Variants in PIK3C2A observed in about 807,000 individuals in gnomAD.
The protein encoded by PIK3C2A is phosphatidylinositol-4-phosphate 3-kinase catalytic subunit type 2 alpha.
PIK3C2A carries 97 observed loss-of-function variants against 204.5 expected under a neutral mutation model. The observed-to-expected ratio is 0.47, with a 90% CI of 0.40 to 0.56. The LOEUF (loss-of-function observed/expected upper bound fraction) is 0.56, where lower values mean the gene tolerates loss of function less well. Among genes scored for constraint, PIK3C2A ranks in the 20% least tolerant of loss-of-function variants. The pLI is 0.00. For synonymous variants in PIK3C2A, 653 were observed against 664.4 expected (o/e 0.98, Z 0.26); for missense variants, 1,735 against 1,969.2 (o/e 0.88, Z 2.25).
chr11:17,119,092 G>A, intron 17 of PIK3C2A, 128 bp downstream of exon 17: 1 of 627,252 alleles, frequency 1.6e-6, no homozygotes. Flanking sequence ...AAATCCAAAT[G>A]CAATGCCCCT....
chr11:17,169,414 C>T lies in PIK3C2A; in HGVS notation c.328G>A (p.Glu110Lys). ...GGTAATACAGGTGTTTTTTTAGTCT[C>T]GAAACTGTCATCCAGCAATAGTTTC... ...LEKLLLDDSF[E>K]TKKTPVLPVT... The change falls in exon 2 of 33, where the codon GAG becomes AAG. Residue 110 changes from glutamate (E) to lysine (K), a missense_variant. Glu to Lys is a moderately conservative substitution (Grantham distance 56). This residue lies in a region of PIK3C2A where 536 missense variants were observed against 546.7 expected (regional missense o/e 0.98). Coordinates refer to ENST00000691414, the MANE Select transcript of PIK3C2A (RefSeq NM_002645.4). 4 of 1,613,998 alleles carry T rather than the reference C, an allele frequency of 2.5e-6. No homozygotes were observed. Among genetic ancestry groups the T allele is most frequent in the East Asian group, 2.2e-5 (1 of 44,874 alleles).
chr11:17,108,716 A>C (rs181187718), intron 22 of PIK3C2A, among the ~76,000 whole-genome samples: 2 of 152,356 alleles, frequency 1.3e-5, no homozygotes, highest in Admixed American at 1.3e-4. Context: ...TACTGATTTT[A>C]TTTATGAATA....
chr11:17,168,594 AAAAC>A (rs879614908), intron 2 of PIK3C2A, 79 bp downstream of exon 2: 41 of 1,076,254 alleles, frequency 3.8e-5, no homozygotes, highest in Non-Finnish European at 5.3e-5. Context: ...AACAAAAACA[AAAAC>A]AAAAAAACAC....
chr11:17,105,273 G>A lies in PIK3C2A; in HGVS notation c.3577C>T (p.Leu1193Phe). Residue 1193 changes from leucine (L) to phenylalanine (F), a missense_variant, in exon 23 of 33, where the codon CTC (leucine) becomes TTC (phenylalanine). This residue lies in a region of PIK3C2A where 503 missense variants were observed against 669.0 expected (regional missense o/e 0.75). Coordinates refer to ENST00000691414, the MANE Select transcript of PIK3C2A (RefSeq NM_002645.4). ...CCATATTCCACTTGGATTTTCCTGA[G>A]GGTATCGGAAGCAGGAACCAGCTCC... ...MVELVPASDT[L>F]RKIQVEYGVT... 3 of 1,610,564 alleles carry A rather than the reference G, an allele frequency of 1.9e-6. No homozygotes were observed. Among genetic ancestry groups the A allele is most frequent in the Non-Finnish European group, 2.5e-6 (3 of 1,178,280 alleles).
chr11:17,146,982 C>T (rs1590961883), intron 6 of PIK3C2A, among the ~76,000 whole-genome samples: 1 of 152,144 alleles, frequency 6.6e-6, no homozygotes. Context: ...AGGGTTCACG[C>T]AGTAAAACAA....
chr11:17,159,479 T>C (rs1047251011), intron 2 of PIK3C2A, among the ~76,000 whole-genome samples: 4 of 152,250 alleles, frequency 2.6e-5, no homozygotes, highest in Non-Finnish European at 5.9e-5. Flanking sequence ...TCTAGAAATG[T>C]TCTACTCCAG....
intron 3 of PIK3C2A, among the ~76,000 whole-genome samples, chr11:17,154,346 T>A (rs1326271973): frequency 1.3e-5 from 2 of 152,196 alleles, no homozygotes; most frequent in Non-Finnish European, 2.9e-5. Context: ...AAAGAAATGC[T>A]GGTTAAAAGG....
At chr11:17,137,571 G>A (rs1466807925) in intron 8 of PIK3C2A, among the ~76,000 whole-genome samples, 4 of 151,850 alleles carry the variant, frequency 2.6e-5, no homozygotes, top group African/African-American at 9.7e-5. Context: ...ACCATGCCTG[G>A]CTAATTTTTG....
chr11:17,114,359 A>G lies in PIK3C2A; in HGVS notation c.3321+2T>C. 7.3e-7 allele frequency: 1 copy of G among 1,378,566 alleles called. No homozygotes were observed. Among genetic ancestry groups the G allele is most frequent in the Non-Finnish European group, 1.0e-6 (1 of 966,338 alleles). 85.4% of individuals were successfully genotyped at this position (1,378,566 alleles called of 1,614,324 possible). The stretch of plus-strand genomic sequence containing the variant: ...TGAACTTATAAGTATTTTATGTGTC[A>G]CCTTAATATTTAATTCTTTTGCCAC... On this transcript the variant is annotated splice_donor_variant, in intron 20 of 32. Coordinates refer to ENST00000691414, the MANE Select transcript of PIK3C2A (RefSeq NM_002645.4). LOFTEE classifies it high-confidence loss of function.
intron 18 of PIK3C2A, 112 bp from the exon 19 acceptor site, chr11:17,117,783 G>A (rs978180233): frequency 6.9e-5 from 40 of 578,016 alleles, no homozygotes; most frequent in African/African-American, 6.8e-4. Flanking sequence ...GCGCCATCTC[G>A]GCTCACTGCA....
chr11:17,184,702 AGAG>A (rs201480090), intron 1 of PIK3C2A, among the ~76,000 whole-genome samples: 1 of 152,142 alleles, frequency 6.6e-6, no homozygotes, highest in East Asian at 1.9e-4. Context: ...TGGGTGGCCA[AGAG>A]GAGAGGATCC....
chr11:17,122,510 A>G (rs1479777649), intron 14 of PIK3C2A, among the ~76,000 whole-genome samples, 177 bp from the exon 15 acceptor site: 3 of 152,170 alleles, frequency 2.0e-5, no homozygotes, highest in East Asian at 1.9e-4. Flanking sequence ...CAGCACATAC[A>G]TATTTCTTGG....
In PIK3C2A at chr11:17,180,205, T is replaced by C. The variant is rs182920574; in HGVS notation, c.-65-10399A>G. ...CTGGGCAATGTGGTGAATCCTTAAC[T>C]CTATGAAAACAATATATATATAAAA... On this transcript the variant is annotated intron_variant, in intron 1 of 32. Transcript: ENST00000691414. Among the ~76,000 whole-genome samples, 877 of 152,094 alleles carry C rather than the reference T, an allele frequency of 5.8e-3. 8 individuals carry two copies. Among genetic ancestry groups the C allele is most frequent in the Middle Eastern group, 0.02 (6 of 294 alleles).
At chr11:17,170,534 C>G (rs928891209) in intron 1 of PIK3C2A, among the ~76,000 whole-genome samples, 9 of 152,078 alleles carry the variant, frequency 5.9e-5, no homozygotes, top group African/African-American at 2.2e-4. Flanking sequence ...AGTTATAATA[C>G]CAAAATTTCT....
At chr11:17,131,716 C>A (rs11822493) in intron 12 of PIK3C2A, among the ~76,000 whole-genome samples, 200 bp downstream of exon 12, 5,826 of 152,022 alleles carry the variant, frequency 0.038, 380 homozygotes, top group African/African-American at 0.13. Context: ...CCACTGCGCC[C>A]GGTCGGTATT....
intron 1 of PIK3C2A, chr11:17,204,299 TCTC>T (rs1852488664): frequency 6.6e-6 from 1 of 152,122 alleles, no homozygotes; most frequent in African/African-American, 2.4e-5. Context: ...TAATGTAAAA[TCTC>T]CTACCTATGT....
At chr11:17,165,861 A>G (rs1157862951) in intron 2 of PIK3C2A, among the ~76,000 whole-genome samples, 1 of 151,744 alleles carries the variant, frequency 6.6e-6, no homozygotes, top group African/African-American at 2.4e-5. Context: ...TGCTGCTTGC[A>G]AAGAGTTCTG....
chr11:17,146,235 A>C (rs1230337939), intron 6 of PIK3C2A, among the ~76,000 whole-genome samples: 1 of 152,220 alleles, frequency 6.6e-6, no homozygotes. Flanking sequence ...ATATATAGAG[A>C]ATAGAGAGCT....
Position 17,147,512 on chromosome 11 carries a change from C to T in PIK3C2A, c.1560+5G>A, listed in dbSNP as rs1264091471. 6.7e-7 allele frequency: 1 copy of T among 1,493,272 alleles called. No homozygotes were observed. The highest frequency in any genetic ancestry group is 9.3e-7 in the Non-Finnish European group (1 of 1,070,208). The allele number at this position is 1,493,272 out of a possible 1,614,324, so 92.5% of individuals were successfully genotyped here. A position where few individuals can be genotyped will look rare whatever the true frequency, so the allele number is the denominator to read the frequency against. ...ATGGAATTCAGTTATGAGGTACACA[C>T]TTACTGTTCGGGCCAGATTTTGACA... On this transcript the variant is annotated splice_donor_5th_base_variant and intron_variant, in intron 6 of 32. Coordinates refer to ENST00000691414, the MANE Select transcript of PIK3C2A (RefSeq NM_002645.4).
Sources: allele counts gnomAD v4.1 joint callset (sites outside exome capture counted in the v4.1 genomes callset), GRCh38; gene constraint gnomAD v4.1.1; regional missense constraint gnomAD v4.1.1; transcripts MANE v1.5; gene names NCBI Gene and HGNC (gene_info 2026-07-23, HGNC 2026-07-21).